Variants in GAK observed in about 807,000 individuals in gnomAD.
GAK encodes the protein cyclin G associated kinase.
A neutral mutation model predicts 143.9 loss-of-function variants in GAK; 79 were observed. The ratio of observed to expected loss-of-function variants is 0.55; its 90% CI spans 0.46 to 0.66. GAK has a LOEUF of 0.66. GAK is among the 30% of genes least tolerant of loss of function. GAK has a pLI of 0.00. For missense variants in GAK, 1,693 were observed against 1,779.7 expected (o/e 0.95, Z 0.88); for synonymous variants, 881 against 765.5 (o/e 1.15, Z -2.49).
chr4:904,258 C>A (rs57960483), intron 5 of GAK, among the ~76,000 whole-genome samples: 1 of 108,396 alleles, frequency 9.2e-6, no homozygotes, highest in Non-Finnish European at 1.9e-5. Flanking sequence ...CCTAACCGAG[C>A]GGGACCCGCA....
Position 892,163 on chromosome 4 carries a change from A to G in GAK, c.990+1214T>C, listed in dbSNP as rs73207802. Among the ~76,000 whole-genome samples, 1,057 of 152,076 alleles carry G rather than the reference A, an allele frequency of 7.0e-3. 13 individuals are homozygous for G. The highest frequency in any genetic ancestry group is 0.01 in the Non-Finnish European group (700 of 67,968). On this transcript the variant is annotated intron_variant, in intron 9 of 27. Coordinates refer to ENST00000314167, the MANE Select transcript of GAK (RefSeq NM_005255.4). ...ACAGGGACTCCGGGCAGCAGCTCTGACCTTCTCCCCACGCTCCACACCCAC... is the reference window on the plus strand; with the variant it reads ...ACAGGGACTCCGGGCAGCAGCTCTGGCCTTCTCCCCACGCTCCACACCCAC...
chr4:849,835 C>CGGGG, intron 27 of GAK, 57 bp downstream of exon 27: 1 of 183,814 alleles, frequency 5.4e-6, no homozygotes, highest in Non-Finnish European at 7.5e-6. Flanking sequence ...CGGGGCAGGA[C>CGGGG]CCCCCCCCCG....
intron 9 of GAK, among the ~76,000 whole-genome samples, chr4:892,466 TC>T (rs754133384): frequency 6.6e-6 from 1 of 152,186 alleles, no homozygotes; most frequent in Non-Finnish European, 1.5e-5. Flanking sequence ...CTGCACCCTG[TC>T]CACGGCTGGG....
intron 4 of GAK, among the ~76,000 whole-genome samples, chr4:905,416 G>T (rs183739159): frequency 3.3e-5 from 5 of 151,572 alleles, no homozygotes; most frequent in African/African-American, 1.2e-4. Context: ...CCTGGCCCCA[G>T]GCCACGCTAC....
At chr4:893,800 AGCGGGGTCTCCAGAGCCAC>A in intron 8 of GAK, 55 bp downstream of exon 8, 6 of 1,474,856 alleles carry the variant, frequency 4.1e-6, no homozygotes, top group Non-Finnish European at 5.4e-6. Flanking sequence ...CCCCAAGGGG[AGCGGGGTCTCCAGAGCCAC>A]GCGGGGTCTG....
Position 902,644 on chromosome 4 carries a change from A to G in GAK, c.525+1993T>C, listed in dbSNP as rs1415685495. On this transcript the variant is annotated intron_variant, in intron 5 of 27. Transcript: ENST00000314167. ...AAAAAACCTCTTCAGCAAAAGCCTC[A>G]GCACGGAGGACGAGGCCCACCATGG... 3.3e-5 allele frequency among the ~76,000 whole-genome samples: 5 copies of G among 149,358 alleles called. 1 individual carries two copies. The highest frequency in any genetic ancestry group is 1.3e-4 in the African/African-American group (5 of 39,974).
At chr4:908,144 C>T (rs546615254) in intron 4 of GAK, among the ~76,000 whole-genome samples, 16 of 152,258 alleles carry the variant, frequency 1.1e-4, no homozygotes, top group African/African-American at 2.6e-4. Flanking sequence ...AAATGACAAA[C>T]GAGGGAGATA....
intron 1 of GAK, among the ~76,000 whole-genome samples, chr4:923,744 C>G (rs1724245868): frequency 6.6e-6 from 1 of 152,158 alleles, no homozygotes; most frequent in Non-Finnish European, 1.5e-5. Context: ...GGTCAAATCT[C>G]AAGGCCCAGG....
chr4:864,060 A>G (rs996436741), intron 23 of GAK, among the ~76,000 whole-genome samples: 3 of 152,048 alleles, frequency 2.0e-5, no homozygotes, highest in African/African-American at 7.2e-5. Flanking sequence ...CTACAGTATA[A>G]TGTAAATATA....
intron 4 of GAK, among the ~76,000 whole-genome samples, chr4:905,417 G>A (rs918099901): frequency 9.2e-5 from 14 of 151,640 alleles, no homozygotes; most frequent in African/African-American, 3.4e-4. Flanking sequence ...CTGGCCCCAG[G>A]CCACGCTACA....
intron 11 of GAK, chr4:886,730 C>T (rs1398899738): frequency 2.0e-5 from 3 of 152,240 alleles, no homozygotes; most frequent in South Asian, 2.1e-4. Context: ...CACGCAGTGT[C>T]ACCTGTCAGG....
intron 5 of GAK, 39 bp downstream of exon 5, chr4:904,598 A>T (rs1407427001): frequency 6.6e-7 from 1 of 1,526,428 alleles, no homozygotes; most frequent in South Asian, 1.3e-5. Flanking sequence ...GGACCCGCAC[A>T]CAGAGGCCTT....
In GAK at chr4:866,508, A is replaced by T. The variant is rs199713255; in HGVS notation, c.2899T>A (p.Ser967Thr). The change falls in exon 22 of 28, where the codon TCT (serine) becomes ACT (threonine). Residue 967 changes from serine (S) to threonine (T), a missense_variant. Ser to Thr is a moderately conservative substitution (Grantham distance 58, BLOSUM62 1). This residue lies in a region of GAK where 822 missense variants were observed against 788.7 expected (regional missense o/e 1.04). Coordinates refer to ENST00000314167, the MANE Select transcript of GAK (RefSeq NM_005255.4). ...AADPFGPLLP[S>T]SGNNSQPCSN... ...CAGGGCTGGGAGTTGTTGCCTGAAG[A>T]CGGCAGAAGCGGGCCAAAGGGGTCA... The T allele has an allele frequency of 1.2e-5, 20 of 1,613,914 alleles. No individual in the cohort carries two copies. In the African/African-American group the frequency reaches 2.5e-4, roughly 20 times the overall value.
intron 2 of GAK, among the ~76,000 whole-genome samples, chr4:913,221 T>C (rs1425335373): frequency 6.6e-6 from 1 of 152,236 alleles, no homozygotes; most frequent in Non-Finnish European, 1.5e-5. Context: ...AACTGCACAG[T>C]ACAGACCCTC....
chr4:887,080 C>G (rs1299573676), intron 11 of GAK: 1 of 150,232 alleles, frequency 6.7e-6, no homozygotes, highest in Non-Finnish European at 1.5e-5. Context: ...ACACAGCTCA[C>G]ACACACAGGC....
chr4:916,907 G>C (rs1723163791), intron 1 of GAK, among the ~76,000 whole-genome samples: 1 of 152,216 alleles, frequency 6.6e-6, no homozygotes, highest in South Asian at 2.1e-4. Context: ...AGCTTCATGT[G>C]CAATAGCCTA....
At chr4:897,983 G>A (rs368757906) in intron 6 of GAK, 50 bp downstream of exon 6, 85 of 1,575,074 alleles carry the variant, frequency 5.4e-5, no homozygotes, top group Non-Finnish European at 7.3e-5. Context: ...CTCAGGGCGT[G>A]GAATGTGGGA....
intron 11 of GAK, chr4:885,826 G>C (rs1716224530): frequency 6.6e-6 from 1 of 152,052 alleles, no homozygotes; most frequent in African/African-American, 2.4e-5. Flanking sequence ...GAGTGCAGTG[G>C]CACAATCACA....
intron 18 of GAK, among the ~76,000 whole-genome samples, chr4:875,078 T>C (rs1713565215): frequency 6.6e-6 from 1 of 152,214 alleles, no homozygotes; most frequent in Non-Finnish European, 1.5e-5. Context: ...CCCGACTTTC[T>C]TGAATAATCA....
Sources: allele counts gnomAD v4.1 joint callset (sites outside exome capture counted in the v4.1 genomes callset), GRCh38; gene constraint gnomAD v4.1.1; regional missense constraint gnomAD v4.1.1; transcripts MANE v1.5; gene names NCBI Gene and HGNC (gene_info 2026-07-23, HGNC 2026-07-21).